Variants in KMT2A observed in about 807,000 individuals in gnomAD.
KMT2A encodes histone-lysine N-methyltransferase 2A.
In KMT2A, 16 loss-of-function variants were observed where a neutral mutation model predicts 345.3. The ratio of observed to expected loss-of-function variants is 0.05; its 90% CI spans 0.03 to 0.07. KMT2A has a LOEUF of 0.07. KMT2A is among the 10% of genes least tolerant of loss of function. The pLI is 1.00. For synonymous variants in KMT2A, 1,599 were observed against 1,778.6 expected (o/e 0.90, Z 2.54); for missense variants, 3,272 against 4,841.6 (o/e 0.68, Z 9.62).
chr11:118,503,144 A>G lies in KMT2A; in HGVS notation c.7252A>G (p.Asn2418Asp), dbSNP rs782542236. Reference sequence around the variant, plus strand: ...AATGAGCAACAGATCATCCATTATCAACGAACATATGGGATCTAGTTCCAG... The same window carrying G: ...AATGAGCAACAGATCATCCATTATCGACGAACATATGGGATCTAGTTCCAG... ...SGMSNRSSII[N>D]EHMGSSSRDR... Residue 2418 changes from asparagine to aspartate, a missense_variant, in exon 27 of 36, where the codon AAC becomes GAC. Asn to Asp is a conservative substitution (Grantham distance 23). This residue lies in a region of KMT2A where 445 missense variants were observed against 500.9 expected (regional missense o/e 0.89). Coordinates refer to ENST00000534358, the MANE Select transcript of KMT2A (RefSeq NM_001197104.2). The surrounding 1 kb of genome is among the most constrained non-coding windows in gnomAD (Gnocchi z 5.3). 2.5e-6 allele frequency: 4 copies of G among 1,613,946 alleles called. No individual in the cohort carries two copies. The Admixed American group carries it at 6.7e-5, about 27-fold the overall frequency.
chr11:118,513,937 C>CAAAAAAAAAAAAAAAAAA (rs1178939991), intron 31 of KMT2A, among the ~76,000 whole-genome samples: 1 of 47,350 alleles, frequency 2.1e-5, no homozygotes, highest in African/African-American at 8.4e-5. Context: ...GACCCTGTCT[C>CAAAAAAAAAAAAAAAAAA]AAAAAAAAAA....
At position 118,522,176 on chromosome 11, in the gene KMT2A, T is replaced by G. The variant is rs377663970; in HGVS notation, c.*4T>G. 1.2e-6 allele frequency: 2 copies of G among 1,613,208 alleles called. No homozygotes were observed. Among genetic ancestry groups the G allele is most frequent in the African/African-American group, 2.7e-5 (2 of 74,922 alleles). On this transcript the variant is annotated 3_prime_UTR_variant, in exon 36 of 36. Transcript: ENST00000534358. This position sits in a 1 kb window ranked among gnomAD's most constrained non-coding sequence, Gnocchi z 5.4. ...ATGCCGGAAGTTCCTAAACTAAAGC[T>G]GCTCTTCTCCCCCAGTGTTGGAGTG...
rs911024608 is a variant in KMT2A at position 118,482,556 on chromosome 11, G to A, written c.4086+61G>A. On this transcript the variant is annotated intron_variant, in intron 8 of 35. Transcript: ENST00000534358. The stretch of plus-strand genomic sequence containing the variant: ...GATGTATTCTATTTTGTAGGGAAAA[G>A]CCTTATCCTTGACTTCTATGTAGAT... The A allele has an allele frequency of 7.1e-6, 9 of 1,258,960 alleles. No individual in the cohort carries two copies. In the African/African-American group the frequency reaches 1.2e-4, roughly 17 times the overall value. The allele number at this position is 1,258,960 out of a possible 1,614,324, so 78.0% of individuals were successfully genotyped here. A position where few individuals can be genotyped will look rare whatever the true frequency, so the allele number is the denominator to read the frequency against.
In KMT2A at chr11:118,473,715, C is replaced by G. The variant is rs782509176; in HGVS notation, c.2556C>G (p.Asp852Glu). 6.2e-7 allele frequency: 1 copy of G among 1,614,106 alleles called. No homozygotes were observed. Among genetic ancestry groups the G allele is most frequent in the East Asian group, 2.2e-5 (1 of 44,880 alleles). Reference protein sequence around the residue: ...GSQTERGRNKDKAPEELSKDR... With the variant: ...GSQTERGRNKEKAPEELSKDR... Reference sequence around the variant, plus strand: ...AGACTGAAAGAGGGAGAAATAAAGACAAGGCCCCCGAGGAGCTGTCCAAAG... The same window carrying G: ...AGACTGAAAGAGGGAGAAATAAAGAGAAGGCCCCCGAGGAGCTGTCCAAAG... The change falls in exon 3 of 36, where the codon GAC becomes GAG. Residue 852 changes from aspartate (D) to glutamate (E), a missense_variant. Transcript: ENST00000534358. The surrounding 1 kb of genome is among the most constrained non-coding windows in gnomAD (Gnocchi z 5.2).
At position 118,436,839 on chromosome 11, in the gene KMT2A, C is replaced by T; in HGVS notation, c.327C>T (p.Gly109=). ...CAGGGCCGGCCCTGCTCCGGGTGGG[C>T]CCGGGCTTCGACGCGGCGCTGCAGG... ...ASSGPALLRV[G]PGFDAALQVS... The change falls in exon 1 of 36, where the codon GGC becomes GGT. Residue 109 remains glycine (G), a synonymous_variant. Transcript: ENST00000534358. This position sits in a 1 kb window ranked among gnomAD's most constrained non-coding sequence, Gnocchi z 6.9. 6.2e-7 allele frequency: 1 copy of T among 1,605,504 alleles called. No individual in the cohort carries two copies. The highest frequency in any genetic ancestry group is 8.5e-7 in the Non-Finnish European group (1 of 1,176,512).
At position 118,505,011 on chromosome 11, in the gene KMT2A, C is replaced by T. The variant is rs1565305337; in HGVS notation, c.9119C>T (p.Pro3040Leu). The T allele has an allele frequency of 6.2e-7, 1 of 1,614,124 alleles. No individual in the cohort carries two copies. ...CCTGGCCTTCAGGTACCTGTTTCCC[C>T]AACTGTTCCCATCCAGAACCAGAAG... ...STPGLQVPVS[P>L]TVPIQNQKYV... is the part of the protein sequence containing the mutation. The change falls in exon 27 of 36, where the codon CCA (proline) becomes CTA (leucine). Residue 3040 changes from proline to leucine, a missense_variant. By Grantham distance (98) the Pro-to-Leu change is moderately conservative. Coordinates refer to ENST00000534358, the MANE Select transcript of KMT2A (RefSeq NM_001197104.2). The surrounding 1 kb of genome is among the most constrained non-coding windows in gnomAD (Gnocchi z 4.6).
intron 1 of KMT2A, among the ~76,000 whole-genome samples, chr11:118,447,070 A>G (rs1166942739): frequency 2.0e-5 from 3 of 151,996 alleles, no homozygotes; most frequent in Non-Finnish European, 2.9e-5. Flanking sequence ...CCATGGTTCA[A>G]CTCAGATCCC....
At chr11:118,479,792 G>A (rs919862896) in intron 5 of KMT2A, among the ~76,000 whole-genome samples, 4 of 152,170 alleles carry the variant, frequency 2.6e-5, no homozygotes, top group African/African-American at 9.7e-5. Context: ...CAAAGGAGTT[G>A]TTTGATAATT....
chr11:118,499,654 C>T (rs1363659294), intron 23 of KMT2A, among the ~76,000 whole-genome samples, 181 bp from the exon 24 acceptor site: 1 of 152,092 alleles, frequency 6.6e-6, no homozygotes, highest in Non-Finnish European at 1.5e-5. Flanking sequence ...GTGGTACATC[C>T]CTATAATCCC....
chr11:118,488,538 A>G (rs1245584875), intron 10 of KMT2A, 76 bp from the exon 11 acceptor site: 2 of 1,511,998 alleles, frequency 1.3e-6, no homozygotes, highest in Non-Finnish European at 9.2e-7. Flanking sequence ...CCCAAAGTAT[A>G]TAAGAAGGGT....
Position 118,481,761 on chromosome 11 carries a change from C to T in KMT2A, c.3681C>T (p.Asp1227=), listed in dbSNP as rs542811833. 2 of 1,613,868 alleles carry T rather than the reference C, an allele frequency of 1.2e-6. No individual in the cohort carries two copies. Among genetic ancestry groups the T allele is most frequent in the South Asian group, 1.1e-5 (1 of 91,018 alleles). ...AGTCTAAGACCAGTGAAAAGAAAGA[C>T]AGCAAAGAGAGCAGTGTTGTGAAGA... The part of the protein sequence containing the change: ...EKKSKTSEKK[D]SKESSVVKNV... Residue 1227 remains aspartate, a synonymous_variant, in exon 7 of 36, where the codon GAC becomes GAT. Transcript: ENST00000534358.
chr11:118,506,875 G>A (rs1390023777), intron 27 of KMT2A, among the ~76,000 whole-genome samples: 1 of 152,084 alleles, frequency 6.6e-6, no homozygotes, highest in African/African-American at 2.4e-5. Context: ...ATCACTTTTT[G>A]CTCTGATTTC....
chr11:118,513,993 A>C (rs116213038), intron 31 of KMT2A, among the ~76,000 whole-genome samples: 3 of 151,814 alleles, frequency 2.0e-5, no homozygotes, highest in Non-Finnish European at 4.4e-5. Context: ...ATAATTTTTA[A>C]AATTCTACCC....
intron 1 of KMT2A, among the ~76,000 whole-genome samples, chr11:118,459,225 A>G (rs1360140822): frequency 6.6e-6 from 1 of 152,108 alleles, no homozygotes; most frequent in Non-Finnish European, 1.5e-5. Flanking sequence ...ATGTACCACT[A>G]TGCCCACCAA....
chr11:118,482,346 C>A, intron 7 of KMT2A, 76 bp from the exon 8 acceptor site: 2 of 930,884 alleles, frequency 2.1e-6, no homozygotes, highest in Non-Finnish European at 3.2e-6. Context: ...TTTCTAATGG[C>A]CCTTTCTTCA....
chr11:118,492,438 G>A (rs1188365699), intron 15 of KMT2A, among the ~76,000 whole-genome samples: 2 of 152,344 alleles, frequency 1.3e-5, no homozygotes, highest in African/African-American at 2.4e-5. Context: ...CCAGCACTTC[G>A]GGAGGCCGAG....
intron 1 of KMT2A, among the ~76,000 whole-genome samples, chr11:118,459,373 T>C (rs577994678): frequency 6.6e-6 from 1 of 152,166 alleles, no homozygotes; most frequent in South Asian, 2.1e-4. Flanking sequence ...GGCCCTGATT[T>C]TTCATAAGAC....
chr11:118,507,576 A>G lies in KMT2A; in HGVS notation c.10802A>G (p.Gln3601Arg), dbSNP rs1591288712. 1.2e-6 allele frequency: 2 copies of G among 1,614,186 alleles called. No individual in the cohort carries two copies. Among genetic ancestry groups the G allele is most frequent in the Non-Finnish European group, 1.7e-6 (2 of 1,180,006 alleles). ...CAGCAGGATACAGCTAGCGTGGAGCAGTCCTCCCAGAAGGAGTGTGGGCAA... is the reference window on the plus strand; with the variant it reads ...CAGCAGGATACAGCTAGCGTGGAGCGGTCCTCCCAGAAGGAGTGTGGGCAA... ...AEQQDTASVE[Q>R]SSQKECGQPA... Residue 3601 changes from glutamine to arginine, a missense_variant, in exon 28 of 36, where the codon CAG becomes CGG. This residue lies in a region of KMT2A where 748 missense variants were observed against 922.2 expected (regional missense o/e 0.81). Transcript: ENST00000534358.
intron 1 of KMT2A, 70 bp from the exon 2 acceptor site, chr11:118,468,705 G>T (rs781931131): frequency 5.1e-6 from 6 of 1,171,008 alleles, no homozygotes; most frequent in Non-Finnish European, 7.6e-6. Flanking sequence ...TCTCCTCTGG[G>T]CATTTCTTTG....
Sources: allele counts gnomAD v4.1 joint callset (sites outside exome capture counted in the v4.1 genomes callset), GRCh38; gene constraint gnomAD v4.1.1; regional missense constraint gnomAD v4.1.1; non-coding constraint Gnocchi (gnomAD v3.1); transcripts MANE v1.5; gene names NCBI Gene and HGNC (gene_info 2026-07-23, HGNC 2026-07-21).